Variants in FBXL17 observed in about 807,000 individuals in gnomAD.
FBXL17 encodes F-box and leucine rich repeat protein 17, also known as F-box/LRR-repeat protein 17.
FBXL17 carries 22 observed loss-of-function variants against 66.2 expected under a neutral mutation model. The ratio of observed to expected loss-of-function variants is 0.33; its 90% CI spans 0.24 to 0.47. The LOEUF is 0.47. FBXL17 is among the 20% of genes least tolerant of loss of function. The probability of loss-of-function intolerance (pLI) is 1.00; values close to 1 mark genes in which losing one functional copy is unlikely to be tolerated. For synonymous variants in FBXL17, 474 were observed against 400.5 expected (o/e 1.18, Z -2.19); for missense variants, 878 against 948.2 (o/e 0.93, Z 0.97).
intron 1 of FBXL17, among the ~76,000 whole-genome samples, chr5:108,380,024 T>G (rs1749730664): frequency 6.6e-6 from 1 of 152,208 alleles, no homozygotes; most frequent in Non-Finnish European, 1.5e-5. Context: ...TACCCTTTAC[T>G]TTCTGTATGT....
At chr5:108,189,019 G>A (rs1177965952) in intron 5 of FBXL17, among the ~76,000 whole-genome samples, 2 of 152,106 alleles carry the variant, frequency 1.3e-5, no homozygotes, top group African/African-American at 4.8e-5. Context: ...TGCATGTGGT[G>A]GGCACAGAAA....
At chr5:108,174,071 C>A (rs1192682586) in intron 6 of FBXL17, among the ~76,000 whole-genome samples, 1 of 152,114 alleles carries the variant, frequency 6.6e-6, no homozygotes, top group Non-Finnish European at 1.5e-5. Context: ...GCCAATATCA[C>A]CTTTGGAGGC....
At chr5:107,943,421 T>C (rs1312913005) in intron 7 of FBXL17, among the ~76,000 whole-genome samples, 1 of 152,144 alleles carries the variant, frequency 6.6e-6, no homozygotes, top group Non-Finnish European at 1.5e-5. Context: ...AACTTCGGTC[T>C]TCCCTTTCCC....
chr5:108,186,784 A>T (rs541958536), intron 5 of FBXL17, among the ~76,000 whole-genome samples: 32 of 152,078 alleles, frequency 2.1e-4, no homozygotes, highest in Non-Finnish European at 4.1e-4. Flanking sequence ...AGAAAAAAAA[A>T]AAAAAGAAAG....
chr5:108,379,572 T>C (rs963050663), intron 1 of FBXL17, among the ~76,000 whole-genome samples: 11 of 152,182 alleles, frequency 7.2e-5, no homozygotes, highest in Admixed American at 4.6e-4. Flanking sequence ...AGAAACTATA[T>C]TGGTGACAAT....
chr5:108,225,430 G>T (rs1418334759), intron 4 of FBXL17, among the ~76,000 whole-genome samples: 1 of 152,188 alleles, frequency 6.6e-6, no homozygotes, highest in East Asian at 1.9e-4. Context: ...TTAGGATGAA[G>T]TTGTACTGGA....
intron 6 of FBXL17, among the ~76,000 whole-genome samples, chr5:108,096,421 A>C (rs1749369821): frequency 1.3e-5 from 2 of 152,176 alleles, no homozygotes; most frequent in Non-Finnish European, 1.5e-5. Context: ...GTGGCAGTTC[A>C]AAATCAATAC....
At chr5:107,915,358 T>C (rs1475628220) in intron 7 of FBXL17, among the ~76,000 whole-genome samples, 1 of 151,930 alleles carries the variant, frequency 6.6e-6, no homozygotes, top group Non-Finnish European at 1.5e-5. Flanking sequence ...ATGCCAACAA[T>C]AAAAAAAAGA....
chr5:108,375,647 C>A (rs1749373284), intron 1 of FBXL17, among the ~76,000 whole-genome samples: 1 of 151,990 alleles, frequency 6.6e-6, no homozygotes, highest in African/African-American at 2.4e-5. Context: ...AAACAAAAAA[C>A]TTACAACAAA....
At chr5:108,298,561 T>C (rs528595041) in intron 4 of FBXL17, 310 of 963,692 alleles carry the variant, frequency 3.2e-4, no homozygotes, top group Admixed American at 6.2e-4. Context: ...AAAAATTCAG[T>C]CTGAGAGATG....
intron 4 of FBXL17, among the ~76,000 whole-genome samples, chr5:108,337,155 C>T (rs1760424331): frequency 2.0e-5 from 3 of 151,476 alleles, no homozygotes; most frequent in African/African-American, 7.3e-5. Flanking sequence ...ACTTGGGAGG[C>T]TGAGGCAGGA....
intron 7 of FBXL17, among the ~76,000 whole-genome samples, chr5:107,928,199 T>C (rs771537666): frequency 5.9e-5 from 9 of 151,894 alleles, no homozygotes; most frequent in Admixed American, 1.3e-4. Flanking sequence ...AAAGAAAAAA[T>C]AGGACTCCTA....
chr5:108,272,201 G>A lies in FBXL17; in HGVS notation c.1507-47973C>T, dbSNP rs1360102006. On this transcript the variant is annotated intron_variant, in intron 4 of 8. Coordinates refer to ENST00000542267, the MANE Select transcript of FBXL17 (RefSeq NM_001163315.3). ...AGCTACTCAGGAGGCTGAGGCAGGAGAATGGCATGAACCCAGGAGGCGGAG... is the reference window on the plus strand; with the variant it reads ...AGCTACTCAGGAGGCTGAGGCAGGAAAATGGCATGAACCCAGGAGGCGGAG... Among the ~76,000 whole-genome samples, 2 of 152,120 alleles carry A rather than the reference G, an allele frequency of 1.3e-5. 1 individual carries two copies. Among genetic ancestry groups the A allele is most frequent in the South Asian group, 4.2e-4 (2 of 4,818 alleles).
intron 7 of FBXL17, among the ~76,000 whole-genome samples, chr5:108,007,498 C>A (rs1753977756): frequency 6.6e-6 from 1 of 151,722 alleles, no homozygotes; most frequent in Non-Finnish European, 1.5e-5. Context: ...GCTTCAAAGT[C>A]TAATTCTACA....
intron 4 of FBXL17, among the ~76,000 whole-genome samples, chr5:108,304,795 C>T (rs759646914): frequency 6.6e-6 from 1 of 151,970 alleles, no homozygotes; most frequent in Admixed American, 6.6e-5. Context: ...CCTCATATTT[C>T]AGCCTTGTAC....
intron 4 of FBXL17, among the ~76,000 whole-genome samples, chr5:108,306,996 T>C (rs1477416560): frequency 1.3e-5 from 2 of 152,106 alleles, no homozygotes; most frequent in African/African-American, 4.8e-5. Flanking sequence ...TTTTATGATA[T>C]ACATTATCTT....
chr5:108,223,591 CAT>C (rs1322916004), intron 5 of FBXL17, among the ~76,000 whole-genome samples: 4 of 152,146 alleles, frequency 2.6e-5, no homozygotes, highest in Non-Finnish European at 4.4e-5. Flanking sequence ...AGAGATGACA[CAT>C]CAGTGAGAGA....
chr5:108,361,452 T>A (rs1421073397), intron 3 of FBXL17, among the ~76,000 whole-genome samples: 6 of 152,106 alleles, frequency 3.9e-5, no homozygotes, highest in African/African-American at 1.4e-4. Flanking sequence ...ACTTCCTGCT[T>A]GTACTGGACC....
chr5:108,188,067 A>G (rs1460739386), intron 5 of FBXL17, among the ~76,000 whole-genome samples: 1 of 152,104 alleles, frequency 6.6e-6, no homozygotes, highest in Non-Finnish European at 1.5e-5. Flanking sequence ...TTTAATTTTT[A>G]TATCTGCATG....
Sources: gnomAD v4.1 joint callset for allele counts (sites outside exome capture counted in the v4.1 genomes callset) on GRCh38, gnomAD v4.1.1 for gene constraint, MANE v1.5 for transcripts, NCBI Gene and HGNC (gene_info 2026-07-23, HGNC 2026-07-21) for gene names.